LOXHD1: variants seen among roughly 807,000 people sequenced by gnomAD.
The protein encoded by LOXHD1 is lipoxygenase homology domain-containing protein 1.
Under a neutral mutation model 248.2 loss-of-function variants are expected in LOXHD1, and 205 were observed. The ratio of observed to expected loss-of-function variants is 0.83; its 90% CI spans 0.74 to 0.93. The LOEUF (loss-of-function observed/expected upper bound fraction) is 0.93, where lower values mean the gene tolerates loss of function less well. Ranked by LOEUF, LOXHD1 falls within the 40% of genes least tolerant of loss-of-function variation. The pLI, the probability that LOXHD1 is intolerant of heterozygous loss-of-function variation, is 0.00. For synonymous variants in LOXHD1, 1,113 were observed against 1,162.8 expected, an observed-to-expected ratio of 0.96 and a Z score of 0.87; for missense variants, 2,930 against 2,971.6, an observed-to-expected ratio of 0.99 and a Z score of 0.33.
chr18:46,506,066 G>A (rs1472882335), intron 36 of LOXHD1, 43 bp from the exon 37 acceptor site: 2 of 1,544,546 alleles, frequency 1.3e-6, no homozygotes. Flanking sequence ...CAGCCTCTTT[G>A]ACACACAGTC....
At position 46,509,831 on chromosome 18, in the gene LOXHD1, AG is replaced by A; in HGVS notation, c.5400-17del. On this transcript the variant is annotated splice_polypyrimidine_tract_variant and intron_variant, in intron 34 of 40. Transcript: ENST00000642948. ...CCGCTCAAACCTGGGGGTGGAGAGG[AG>A]GGGCATGAAGAAGGGAAGCTGGCCA... 1.2e-6 allele frequency: 1 copy of A among 856,762 alleles called. No homozygotes were observed. The highest frequency in any genetic ancestry group is 1.6e-6 in the Non-Finnish European group (1 of 616,136). 53.1% of individuals were successfully genotyped at this position (856,762 alleles called of 1,614,324 possible). A position where few individuals can be genotyped will look rare whatever the true frequency, so the allele number is the denominator to read the frequency against.
At chr18:46,646,528 T>C (rs2039032660) in intron 2 of LOXHD1, among the ~76,000 whole-genome samples, 1 of 152,196 alleles carries the variant, frequency 6.6e-6, no homozygotes, top group Admixed American at 6.5e-5. Flanking sequence ...TGATCTCTGT[T>C]GATACGGTAA....
intron 2 of LOXHD1, among the ~76,000 whole-genome samples, chr18:46,648,273 A>G (rs1263375477): frequency 6.6e-6 from 1 of 152,134 alleles, no homozygotes; most frequent in African/African-American, 2.4e-5. Flanking sequence ...AAAACAAAAC[A>G]AAAACAAAAA....
At chr18:46,592,439 A>G in intron 11 of LOXHD1, 59 bp downstream of exon 11, 1 of 1,365,246 alleles carries the variant, frequency 7.3e-7, no homozygotes, top group Non-Finnish European at 1.0e-6. Flanking sequence ...GTCATTGAAA[A>G]GGGACCATCC....
Position 46,518,169 on chromosome 18 carries a change from C to A in LOXHD1, c.5359G>T (p.Gly1787Trp). Residue 1787 changes from glycine to tryptophan, a missense_variant, in exon 34 of 41, where the codon GGG becomes TGG. Gly to Trp is a radical substitution (Grantham distance 184, BLOSUM62 -2). Transcript: ENST00000642948. ...NIFMTLYGIN[G>W]STEEMQLDKK... ...TCCAGCTGCATCTCCTCTGTGCTCC[C>A]GTTGATGCCGTAGAGGGTCATGAAG... 1 of 1,551,696 alleles carries A rather than the reference C, an allele frequency of 6.4e-7. No homozygotes were observed. Among genetic ancestry groups the A allele is most frequent in the East Asian group, 2.4e-5 (1 of 40,918 alleles).
chr18:46,599,741 G>T (rs1192733558), intron 8 of LOXHD1, among the ~76,000 whole-genome samples: 1 of 151,872 alleles, frequency 6.6e-6, no homozygotes. Flanking sequence ...TGGTCAATAG[G>T]AAACTCAGTA....
At position 46,649,286 on chromosome 18, in the gene LOXHD1, G is replaced by A. The variant is rs1449384301; in HGVS notation, c.131-17C>T. On this transcript the variant is annotated splice_polypyrimidine_tract_variant and intron_variant, in intron 1 of 40. Coordinates refer to ENST00000642948, the MANE Select transcript of LOXHD1 (RefSeq NM_001384474.1). ...CTTCATACACTGGAGGAGGAGAGGA[G>A]GAGACAGATTGCAGGCTCAGAAAAA... The A allele has an allele frequency of 6.5e-6, 10 of 1,541,784 alleles. No individual in the cohort carries two copies. The highest frequency in any genetic ancestry group is 8.8e-6 in the Non-Finnish European group (10 of 1,138,250).
At position 46,549,891 on chromosome 18, in the gene LOXHD1, T is replaced by C. The variant is rs562450271; in HGVS notation, c.3351-2833A>G. ...AGAAAACATAAAATATCACATCAAATGTGGATGAAACCCAGGACACTAAAC... is the reference window on the plus strand; with the variant it reads ...AGAAAACATAAAATATCACATCAAACGTGGATGAAACCCAGGACACTAAAC... On this transcript the variant is annotated intron_variant, in intron 21 of 40. Coordinates refer to ENST00000642948, the MANE Select transcript of LOXHD1 (RefSeq NM_001384474.1). Among the ~76,000 whole-genome samples the C allele has an allele frequency of 5.3e-5, 8 of 152,324 alleles. No individual in the cohort carries two copies. In the East Asian group the frequency reaches 1.3e-3, roughly 26 times the overall value.
chr18:46,563,433 G>T (rs1260893399), intron 17 of LOXHD1, among the ~76,000 whole-genome samples: 1 of 152,136 alleles, frequency 6.6e-6, no homozygotes, highest in African/African-American at 2.4e-5. Context: ...AGAATAAGTG[G>T]TGGAAATGCC....
chr18:46,652,135 A>C (rs1004740398), intron 1 of LOXHD1, among the ~76,000 whole-genome samples: 2 of 152,216 alleles, frequency 1.3e-5, no homozygotes, highest in African/African-American at 2.4e-5. Flanking sequence ...AAAACACAAC[A>C]TACTTTATCA....
intron 6 of LOXHD1, among the ~76,000 whole-genome samples, chr18:46,609,035 C>A (rs1370040444): frequency 1.3e-5 from 2 of 152,182 alleles, no homozygotes; most frequent in African/African-American, 2.4e-5. Flanking sequence ...CCAGAAGTTC[C>A]AAGGAGGGCT....
At chr18:46,654,798 T>C (rs1057265164) in intron 1 of LOXHD1, among the ~76,000 whole-genome samples, 1 of 152,168 alleles carries the variant, frequency 6.6e-6, no homozygotes, top group African/African-American at 2.4e-5. Context: ...TCCACATTTA[T>C]AGGCAGTACC....
intron 21 of LOXHD1, among the ~76,000 whole-genome samples, chr18:46,549,933 T>C (rs1347825155): frequency 6.6e-6 from 1 of 152,260 alleles, no homozygotes; most frequent in Non-Finnish European, 1.5e-5. Context: ...CCAGCTTTTT[T>C]TGGCATTTGC....
chr18:46,574,518 G>T (rs2037817688), intron 14 of LOXHD1, among the ~76,000 whole-genome samples: 2 of 151,122 alleles, frequency 1.3e-5, no homozygotes, highest in South Asian at 4.2e-4. Context: ...CAGTGTGCAT[G>T]CTCAGGCTCC....
At chr18:46,630,590 T>G (rs2144356251) in intron 4 of LOXHD1, among the ~76,000 whole-genome samples, 1 of 152,276 alleles carries the variant, frequency 6.6e-6, no homozygotes, top group Non-Finnish European at 1.5e-5. Context: ...TCGCCCAACC[T>G]CATTCTTCAA....
chr18:46,586,469 G>A (rs1453644000), intron 12 of LOXHD1, among the ~76,000 whole-genome samples: 1 of 152,102 alleles, frequency 6.6e-6, no homozygotes, highest in Non-Finnish European at 1.5e-5. Flanking sequence ...TTCTGAGAAG[G>A]AATTTTGTTC....
chr18:46,547,152 G>A, intron 21 of LOXHD1, 94 bp from the exon 22 acceptor site: 1 of 1,404,520 alleles, frequency 7.1e-7, no homozygotes, highest in Non-Finnish European at 9.8e-7. Flanking sequence ...CCTCTATGGG[G>A]TCCCAAACTC....
At chr18:46,638,671 C>G (rs1358440342) in intron 4 of LOXHD1, among the ~76,000 whole-genome samples, 3 of 152,042 alleles carry the variant, frequency 2.0e-5, no homozygotes, top group Non-Finnish European at 4.4e-5. Flanking sequence ...ATAAAATAAT[C>G]AATGAAGTTG....
Position 46,604,200 on chromosome 18 carries a change from T to C in LOXHD1, c.789A>G (p.Arg263=), listed in dbSNP as rs2038380090. 6.4e-7 allele frequency: 1 copy of C among 1,551,764 alleles called. No homozygotes were observed. Among genetic ancestry groups the C allele is most frequent in the Admixed American group, 2.0e-5 (1 of 51,010 alleles). The stretch of plus-strand genomic sequence containing the variant: ...AGCGGTTAAGGGGGAAGTCATATTT[T>C]CTTTTGTTCCCAATATCTTCAATGA... ...QIVIEDIGNK[R]KYDFPLNRWL... Residue 263 remains arginine (R), a synonymous_variant, in exon 7 of 41, where the codon AGA becomes AGG. Coordinates refer to ENST00000642948, the MANE Select transcript of LOXHD1 (RefSeq NM_001384474.1).
Sources: gnomAD v4.1 joint callset for allele counts (sites outside exome capture counted in the v4.1 genomes callset) on GRCh38, gnomAD v4.1.1 for gene constraint, MANE v1.5 for transcripts, NCBI Gene and HGNC (gene_info 2026-07-23, HGNC 2026-07-21) for gene names.